Variants in AGBL1 observed in about 807,000 individuals in gnomAD.
AGBL1 encodes cytosolic carboxypeptidase 4.
In AGBL1, 130 loss-of-function variants were observed where a neutral mutation model predicts 118.9. That is an observed-to-expected ratio of 1.09 (90% CI 0.95 to 1.26). The LOEUF is 1.26. AGBL1 is among the 50% of genes most tolerant of loss of function. The probability of loss-of-function intolerance (pLI) is 0.00; values close to 1 mark genes in which losing one functional copy is unlikely to be tolerated. For synonymous variants in AGBL1, 555 were observed against 478.9 expected (o/e 1.16, Z -2.08); for missense variants, 1,584 against 1,298.1 (o/e 1.22, Z -3.38).
intron 17 of AGBL1, among the ~76,000 whole-genome samples, chr15:86,317,741 C>T (rs1004277962): frequency 6.6e-6 from 1 of 152,194 alleles, no homozygotes; most frequent in African/African-American, 2.4e-5. Context: ...TTTTCAACTA[C>T]TGAGCTCTGA....
chr15:86,369,629 G>T (rs2080942460), intron 17 of AGBL1, among the ~76,000 whole-genome samples: 1 of 152,102 alleles, frequency 6.6e-6, no homozygotes. Flanking sequence ...AAAATTAACA[G>T]TTTGAGAAAA....
chr15:86,690,692 T>A (rs956187277), intron 22 of AGBL1, among the ~76,000 whole-genome samples: 2 of 152,288 alleles, frequency 1.3e-5, no homozygotes, highest in South Asian at 4.1e-4. Context: ...AAGGTGATGC[T>A]GAAGGCACTG....
At position 86,124,544 on chromosome 15, in the gene AGBL1, T is replaced by G. The variant is rs189926906; in HGVS notation, c.52-17460T>G. 4.9e-3 allele frequency among the ~76,000 whole-genome samples: 753 copies of G among 152,266 alleles called. 2 individuals are homozygous for G. Among genetic ancestry groups the G allele is most frequent in the Non-Finnish European group, 8.4e-3 (573 of 68,034 alleles). On this transcript the variant is annotated intron_variant, in intron 1 of 22. Transcript: ENST00000614907. ...TAAAATTATTCTAAATTAAAAAGTT[T>G]ATTAAAAATATTTTAAAGATTTTTT...
At chr15:86,500,180 T>C (rs569251177) in intron 18 of AGBL1, among the ~76,000 whole-genome samples, 1 of 152,000 alleles carries the variant, frequency 6.6e-6, no homozygotes, top group Non-Finnish European at 1.5e-5. Context: ...TTGAGAGCTT[T>C]ATGAGGCTGG....
rs1167867578 is a variant in AGBL1, at chr15:86,827,394, T to C, written c.3159-79693T>C. Among the ~76,000 whole-genome samples the C allele has an allele frequency of 0.027, 246 of 9,196 alleles. 39 individuals carry two copies. The East Asian group carries it at 0.31, about 12-fold the overall frequency. The allele number at this position is 9,196 out of a possible 152,430, so 6.0% of individuals were successfully genotyped here. On this transcript the variant is annotated intron_variant, in intron 22 of 22. Transcript: ENST00000614907. ...GTATATATATATATACACATATATA[T>C]ATACATATATATATGTGTATATATA...
intron 21 of AGBL1, among the ~76,000 whole-genome samples, chr15:86,561,349 G>A (rs950556505): frequency 2.6e-5 from 4 of 152,288 alleles, no homozygotes; most frequent in Admixed American, 6.5e-5. Flanking sequence ...GTGTAAGGAA[G>A]GGATCCAGTT....
chr15:86,084,149 A>G (rs78953243), intron 1 of AGBL1, among the ~76,000 whole-genome samples: 2,024 of 152,348 alleles, frequency 0.013, 30 homozygotes, highest in South Asian at 0.075. Flanking sequence ...AAAATTGGCA[A>G]GAAATTACAT....
chr15:86,964,019 C>CTCTCTCTCTCTG (rs921110607), intron 23 of AGBL1, among the ~76,000 whole-genome samples: 2 of 141,194 alleles, frequency 1.4e-5, no homozygotes, highest in Non-Finnish European at 3.0e-5. Context: ...CTCTCTCTCT[C>CTCTCTCTCTCTG]TCTCTCTCTC....
At chr15:86,401,858 A>C (rs998314520) in intron 18 of AGBL1, among the ~76,000 whole-genome samples, 1 of 152,156 alleles carries the variant, frequency 6.6e-6, no homozygotes, top group African/African-American at 2.4e-5. Flanking sequence ...ATAGCCTTGT[A>C]GTACAATTGA....
At chr15:86,137,690 C>T (rs1188732160) in intron 1 of AGBL1, among the ~76,000 whole-genome samples, 2 of 152,060 alleles carry the variant, frequency 1.3e-5, no homozygotes, top group African/African-American at 4.8e-5. Flanking sequence ...TTCATATCCT[C>T]CTCTAAACCA....
chr15:86,367,278 T>A (rs1175439603), intron 17 of AGBL1, among the ~76,000 whole-genome samples: 1 of 152,226 alleles, frequency 6.6e-6, no homozygotes, highest in Non-Finnish European at 1.5e-5. Context: ...CTGTGTGGAA[T>A]GTATTTTGTC....
intron 5 of AGBL1, among the ~76,000 whole-genome samples, chr15:86,210,893 G>A (rs530551112): frequency 2.0e-5 from 3 of 152,168 alleles, no homozygotes; most frequent in African/African-American, 7.2e-5. Context: ...AAGGAGAAAA[G>A]GCACTCTGGT....
chr15:86,246,508 A>C (rs1016329349), intron 6 of AGBL1, among the ~76,000 whole-genome samples: 6 of 152,192 alleles, frequency 3.9e-5, no homozygotes, highest in Admixed American at 1.3e-4. Context: ...CATGAAGAGC[A>C]GGTCCTATTC....
intron 22 of AGBL1, among the ~76,000 whole-genome samples, chr15:86,832,828 C>A (rs1312026380): frequency 1.3e-5 from 2 of 152,198 alleles, no homozygotes; most frequent in African/African-American, 4.8e-5. Flanking sequence ...ATCTTTATAG[C>A]AGCACCTCAC....
intron 17 of AGBL1, among the ~76,000 whole-genome samples, chr15:86,348,757 G>A (rs1187703268): frequency 6.9e-6 from 1 of 144,942 alleles, no homozygotes; most frequent in African/African-American, 2.6e-5. Context: ...CAGCCTGGGT[G>A]ACAGAGCGCG....
chr15:86,717,302 G>A (rs533110373), intron 22 of AGBL1, among the ~76,000 whole-genome samples: 159 of 152,138 alleles, frequency 1.0e-3, no homozygotes, highest in Non-Finnish European at 1.3e-3. Context: ...TCATATATCA[G>A]GGGCAAAAGC....
chr15:86,735,795 G>A (rs2077587155), intron 22 of AGBL1, among the ~76,000 whole-genome samples: 1 of 151,948 alleles, frequency 6.6e-6, no homozygotes, highest in Non-Finnish European at 1.5e-5. Flanking sequence ...AATGTACATA[G>A]GCGTGACTCA....
intron 21 of AGBL1, chr15:86,556,423 T>C (rs2083734992): frequency 2.9e-6 from 2 of 678,880 alleles, no homozygotes; most frequent in Non-Finnish European, 5.1e-6. Flanking sequence ...AATCCCATTC[T>C]CTATATGAAA....
chr15:86,799,785 A>G (rs2078624922), intron 22 of AGBL1, among the ~76,000 whole-genome samples: 1 of 152,194 alleles, frequency 6.6e-6, no homozygotes, highest in African/African-American at 2.4e-5. Context: ...AATTGCATAT[A>G]AAACTAATCA....
Sources: gnomAD v4.1 joint callset for allele counts (sites outside exome capture counted in the v4.1 genomes callset) on GRCh38, gnomAD v4.1.1 for gene constraint, MANE v1.5 for transcripts, NCBI Gene and HGNC (gene_info 2026-07-23, HGNC 2026-07-21) for gene names.